The following RFX7 variants were observed in gnomAD, a reference collection of about 807,000 sequenced individuals.
RFX7 encodes the protein DNA-binding protein RFX7.
Under a neutral mutation model 111.8 loss-of-function variants are expected in RFX7, and 26 were observed. The observed-to-expected ratio is 0.23, with a 90% confidence interval of 0.17 to 0.32. The LOEUF (loss-of-function observed/expected upper bound fraction) is 0.32, where lower values mean the gene tolerates loss of function less well. Among genes scored for constraint, RFX7 ranks in the 10% least tolerant of loss-of-function variants. The pLI is 1.00. For synonymous variants in RFX7, 624 were observed against 624.4 expected (o/e 1.00, Z 0.01); for missense variants, 1,573 against 1,772.9 (o/e 0.89, Z 2.02).
At chr15:56,145,320 G>A (rs1255076399) in intron 3 of RFX7, among the ~76,000 whole-genome samples, 1 of 152,068 alleles carries the variant, frequency 6.6e-6, no homozygotes, top group African/African-American at 2.4e-5. Flanking sequence ...ACAGATTACT[G>A]GCATTCCTGG....
chr15:56,144,663 C>G (rs1297241308), intron 3 of RFX7, among the ~76,000 whole-genome samples, 180 bp from the exon 4 acceptor site: 1 of 151,886 alleles, frequency 6.6e-6, no homozygotes, highest in Non-Finnish European at 1.5e-5. Context: ...TTATTGCATA[C>G]AAAAATTTAA....
chr15:56,157,747 T>G (rs1183379714), intron 3 of RFX7, among the ~76,000 whole-genome samples: 1 of 152,118 alleles, frequency 6.6e-6, no homozygotes, highest in African/African-American at 2.4e-5. Context: ...GCCCAGTTAA[T>G]TTTTGTATTT....
intron 2 of RFX7, among the ~76,000 whole-genome samples, chr15:56,224,492 T>TGTGTGTGTGTGTGTGC: frequency 6.6e-6 from 1 of 151,792 alleles, no homozygotes. Context: ...TGTGTGTGTG[T>TGTGTGTGTGTGTGTGC]GTGCAGTTCT....
chr15:56,137,526 T>C (rs2042322062), intron 5 of RFX7, among the ~76,000 whole-genome samples: 1 of 152,216 alleles, frequency 6.6e-6, no homozygotes, highest in Non-Finnish European at 1.5e-5. Flanking sequence ...TTAGTCTTGC[T>C]AGCGGTCTAT....
rs541619430 is a variant in RFX7, at chr15:56,089,753, C to T, written c.*3592G>A. Reference sequence around the variant, plus strand: ...TCAAGTACTTTTGAATTTTGATCTGCAGGCTCAGCTTTCATGGGAGCCTTC... The same window carrying T: ...TCAAGTACTTTTGAATTTTGATCTGTAGGCTCAGCTTTCATGGGAGCCTTC... On this transcript the variant is annotated 3_prime_UTR_variant, in exon 10 of 10. Coordinates refer to ENST00000559447, the MANE Select transcript of RFX7 (RefSeq NM_022841.7). 2 of 152,110 alleles carry T rather than the reference C, an allele frequency of 1.3e-5. No individual in the cohort carries two copies. The highest frequency in any genetic ancestry group is 4.2e-4 in the South Asian group (2 of 4,818). 9.4% of individuals were successfully genotyped at this position (152,110 alleles called of 1,614,324 possible). A position where few individuals can be genotyped will look rare whatever the true frequency, so the allele number is the denominator to read the frequency against.
At chr15:56,229,426 T>C (rs991441103) in intron 2 of RFX7, among the ~76,000 whole-genome samples, 4 of 152,222 alleles carry the variant, frequency 2.6e-5, no homozygotes, top group Admixed American at 2.6e-4. Context: ...CCACCACGCC[T>C]GGTTAATTTT....
intron 2 of RFX7, among the ~76,000 whole-genome samples, chr15:56,232,404 C>A (rs1287740353): frequency 6.6e-6 from 1 of 152,096 alleles, no homozygotes; most frequent in African/African-American, 2.4e-5. Context: ...GCAGGGAGGC[C>A]CTGGGACTGG....
chr15:56,147,897 A>C (rs1024401154), intron 3 of RFX7, among the ~76,000 whole-genome samples: 12 of 152,220 alleles, frequency 7.9e-5, no homozygotes. Flanking sequence ...TTTAACAGAG[A>C]TTTGCACATT....
At chr15:56,143,000 A>T in intron 4 of RFX7, 100 bp from the exon 5 acceptor site, 3 of 1,289,240 alleles carry the variant, frequency 2.3e-6, no homozygotes, top group Non-Finnish European at 3.2e-6. Flanking sequence ...ATACAAATAC[A>T]CTATCAACGA....
intron 2 of RFX7, among the ~76,000 whole-genome samples, chr15:56,228,874 A>G (rs2141227024): frequency 6.6e-6 from 1 of 152,348 alleles, no homozygotes; most frequent in Admixed American, 6.5e-5. Context: ...TACCTATAAT[A>G]AAGCTTAATT....
In RFX7 at chr15:56,096,455, C is replaced by A; in HGVS notation, c.1273G>T (p.Ala425Ser). ...AAGATCTGAGGGTAACGGTGCCGGG[C>A]AGAACGATCCCCACCAGGACTGGCT... Reference protein sequence around the residue: ...VPASPGGDRSARHRYPQILPK... With the variant: ...VPASPGGDRSSRHRYPQILPK... Residue 425 changes from alanine to serine, a missense_variant, in exon 10 of 10, where the codon GCC becomes TCC. Coordinates refer to ENST00000559447, the MANE Select transcript of RFX7 (RefSeq NM_022841.7). The A allele has an allele frequency of 6.2e-7, 1 of 1,612,422 alleles. No homozygotes were observed. The highest frequency in any genetic ancestry group is 2.2e-5 in the East Asian group (1 of 44,834).
intron 2 of RFX7, among the ~76,000 whole-genome samples, chr15:56,209,607 G>A (rs1345622354): frequency 6.6e-6 from 1 of 152,042 alleles, no homozygotes; most frequent in Non-Finnish European, 1.5e-5. Context: ...AATTATGTAT[G>A]CTCTTATACA....
intron 5 of RFX7, among the ~76,000 whole-genome samples, chr15:56,139,278 C>T (rs1360222477): frequency 8.6e-5 from 13 of 151,012 alleles, no homozygotes; most frequent in Non-Finnish European, 1.2e-4. Flanking sequence ...TTGGTCTTTT[C>T]ACATAGTCCC....
intron 2 of RFX7, among the ~76,000 whole-genome samples, chr15:56,189,029 T>C (rs1395466525): frequency 6.6e-6 from 1 of 152,078 alleles, no homozygotes; most frequent in African/African-American, 2.4e-5. Flanking sequence ...ATGTTGGCCA[T>C]GCTGGTCTTG....
intron 5 of RFX7, among the ~76,000 whole-genome samples, chr15:56,115,803 G>A (rs974031214): frequency 3.9e-5 from 6 of 152,036 alleles, no homozygotes; most frequent in Admixed American, 3.3e-4. Flanking sequence ...TTAGCCGGGC[G>A]TGGTGGTGGG....
intron 2 of RFX7, among the ~76,000 whole-genome samples, chr15:56,183,181 T>C (rs1487452533): frequency 6.6e-6 from 1 of 152,098 alleles, no homozygotes; most frequent in Non-Finnish European, 1.5e-5. Flanking sequence ...ATCCTTTGCA[T>C]ATTTTTAAGC....
At chr15:56,213,056 A>T (rs1368368709) in intron 2 of RFX7, among the ~76,000 whole-genome samples, 1 of 152,258 alleles carries the variant, frequency 6.6e-6, no homozygotes, top group Non-Finnish European at 1.5e-5. Context: ...TGGATCACTC[A>T]GACATTGTCT....
chr15:56,102,112 C>T (rs2041761466), intron 7 of RFX7, 57 bp downstream of exon 7: 1 of 1,273,886 alleles, frequency 7.9e-7, no homozygotes, highest in Non-Finnish European at 1.1e-6. Flanking sequence ...GGATGCATTT[C>T]AATGTTAATA....
At position 56,243,785 on chromosome 15, in the gene RFX7, A is replaced by ACGCCGCCGCCGC. The variant is rs571456764; in HGVS notation, c.-355_-344dup. On this transcript the variant is annotated 5_prime_UTR_variant, in exon 1 of 10. Coordinates refer to ENST00000559447, the MANE Select transcript of RFX7 (RefSeq NM_022841.7). ...CAGGCACCGCTCCACGCCACTCCCC[A>ACGCCGCCGCCGC]CGCCGCCGCCGCCGCCGCCGCTCGC... 3.1e-4 allele frequency among the ~76,000 whole-genome samples: 46 copies of ACGCCGCCGCCGC among 147,472 alleles called. No homozygotes were observed. The highest frequency in any genetic ancestry group is 1.1e-3 in the African/African-American group (43 of 40,640).
Sources: gnomAD v4.1 joint callset for allele counts (sites outside exome capture counted in the v4.1 genomes callset) on GRCh38, gnomAD v4.1.1 for gene constraint, MANE v1.5 for transcripts, NCBI Gene and HGNC (gene_info 2026-07-23, HGNC 2026-07-21) for gene names.